Variants in SAMD8 observed in about 807,000 individuals in gnomAD.
SAMD8 encodes the protein sterile alpha motif domain containing 8, also known as sphingomyelin synthase-related protein 1.
SAMD8 carries 20 observed loss-of-function variants against 42.0 expected under a neutral mutation model. The observed-to-expected ratio is 0.48, with a 90% CI of 0.34 to 0.69. The LOEUF (loss-of-function observed/expected upper bound fraction) is 0.69, where lower values mean the gene tolerates loss of function less well. Ranked by LOEUF, SAMD8 falls within the 30% of genes least tolerant of loss-of-function variation. The pLI is 0.01. For missense variants in SAMD8, 328 were observed against 511.6 expected, an observed-to-expected ratio of 0.64 and a Z score of 3.46; for synonymous variants, 162 against 173.0, an observed-to-expected ratio of 0.94 and a Z score of 0.50.
chr10:75,159,482 G>A (rs565216716), intron 2 of SAMD8, among the ~76,000 whole-genome samples: 1 of 152,276 alleles, frequency 6.6e-6, no homozygotes, highest in African/African-American at 2.4e-5. Flanking sequence ...ATAGGAGAAT[G>A]GTAGCAGATG....
Position 75,105,569 on chromosome 10 carries a change from T to C in SAMD8, c.-16+5841T>C, listed in dbSNP as rs1048704903. ...AGCCACACACAGCCCTGCCAACCAA[T>C]CCTGGAAGAATCCAATCCTATGTCT... is the stretch of plus-strand genomic sequence containing the variant. On this transcript the variant is annotated intron_variant, in intron 1 of 3. Transcript: ENST00000447533. 12 of 1,258,538 alleles carry C rather than the reference T, an allele frequency of 9.5e-6. No homozygotes were observed. In the African/African-American group the frequency reaches 1.8e-4, roughly 19 times the overall value. The allele number at this position is 1,258,538 out of a possible 1,614,324, so 78.0% of individuals were successfully genotyped here. A position where few individuals can be genotyped will look rare whatever the true frequency, so the allele number is the denominator to read the frequency against.
intron 3 of SAMD8, chr10:75,168,309 G>A (rs112943252): frequency 7.5e-5 from 31 of 412,588 alleles, no homozygotes; most frequent in African/African-American, 6.1e-4. Flanking sequence ...TTTCAAGTCC[G>A]TAAGATCCAC....
At chr10:75,160,181 C>T (rs1840523409) in intron 2 of SAMD8, among the ~76,000 whole-genome samples, 1 of 152,058 alleles carries the variant, frequency 6.6e-6, no homozygotes. Flanking sequence ...AGTGATGACT[C>T]TAAATTACTA....
chr10:75,169,487 C>CAAAGAAAG (rs146643164), intron 4 of SAMD8, among the ~76,000 whole-genome samples: 4 of 150,800 alleles, frequency 2.7e-5, no homozygotes, highest in Non-Finnish European at 4.4e-5. Flanking sequence ...GTCTCAAAAA[C>CAAAGAAAG]AAAGAAAGAA....
intron 1 of SAMD8, chr10:75,125,191 A>G (rs1347712816): frequency 1.3e-5 from 2 of 152,226 alleles, no homozygotes; most frequent in Non-Finnish European, 2.9e-5. Flanking sequence ...AGAGGTTTCC[A>G]TGGCTCTCTC....
At chr10:75,161,839 C>A (rs1481990113) in intron 2 of SAMD8, among the ~76,000 whole-genome samples, 1 of 151,922 alleles carries the variant, frequency 6.6e-6, no homozygotes, top group Non-Finnish European at 1.5e-5. Context: ...GAGTTCAAGA[C>A]CAGCCTGGCC....
At chr10:75,126,033 T>C (rs766130070) in intron 1 of SAMD8, among the ~76,000 whole-genome samples, 2 of 152,248 alleles carry the variant, frequency 1.3e-5, no homozygotes, top group Non-Finnish European at 2.9e-5. Flanking sequence ...ATACTGATGG[T>C]TCACCACTGT....
chr10:75,168,628 G>T lies in SAMD8; in HGVS notation c.762G>T (p.Val254=). The T allele has an allele frequency of 6.2e-7, 1 of 1,613,228 alleles. No homozygotes were observed. Among genetic ancestry groups the T allele is most frequent in the Non-Finnish European group, 8.5e-7 (1 of 1,179,284 alleles). Residue 254 remains valine (V), a synonymous_variant, in exon 4 of 6, where the codon GTG becomes GTT. Transcript: ENST00000542569. ...CFTMFVTSLS[V]PGQHLQCTGK... ...CCATGTTTGTGACCTCCCTCTCCGT[G>T]CCAGGACAACACCTGCAGTGTACTG...
Position 75,099,729 on chromosome 10 carries a change from G to A in SAMD8, c.-16+1G>A, listed in dbSNP as rs545087678. The A allele has an allele frequency of 3.3e-5, 10 of 298,970 alleles. No individual in the cohort carries two copies. The East Asian group carries it at 6.7e-4, about 20-fold the overall frequency. The allele number at this position is 298,970 out of a possible 1,614,324, so 18.5% of individuals were successfully genotyped here. Reference sequence around the variant, plus strand: ...TGAAGATGGGAGTCTACCTGAAGAGGTGGGAAGAGAACTTCTGAGGCAGGG... The same window carrying A: ...TGAAGATGGGAGTCTACCTGAAGAGATGGGAAGAGAACTTCTGAGGCAGGG... On this transcript the variant is annotated splice_donor_variant, in intron 1 of 3. Transcript: ENST00000447533. LOFTEE classifies it low-confidence loss of function (5UTR_SPLICE).
chr10:75,108,161 G>T, upstream of SAMD8: 1 of 1,612,590 alleles, frequency 6.2e-7, no homozygotes, highest in Non-Finnish European at 8.5e-7. Flanking sequence ...CGTTCAGCAC[G>T]TGGGTGATGC....
Position 75,164,638 on chromosome 10 carries a change from G to T in SAMD8, c.579-7G>T. 1 of 1,612,502 alleles carries T rather than the reference G, an allele frequency of 6.2e-7. No individual in the cohort carries two copies. Among genetic ancestry groups the T allele is most frequent in the Non-Finnish European group, 8.5e-7 (1 of 1,179,220 alleles). On this transcript the variant is annotated splice_polypyrimidine_tract_variant and splice_region_variant and intron_variant, in intron 2 of 5. Coordinates refer to ENST00000542569, the MANE Select transcript of SAMD8 (RefSeq NM_001174156.2). ...CTTCAATTCAAAATCATTTTTTTCTGTTCCAGCGTTCCTAGAATCCCATGG... is the reference window on the plus strand; with the variant it reads ...CTTCAATTCAAAATCATTTTTTTCTTTTCCAGCGTTCCTAGAATCCCATGG...
At chr10:75,168,272 C>T in intron 3 of SAMD8, 1 of 208,168 alleles carries the variant, frequency 4.8e-6, no homozygotes. Flanking sequence ...AAATTTAAAA[C>T]TCAGTTCCTC....
rs780095818 is a variant in SAMD8 at position 75,150,518 on chromosome 10, C to A, written c.-11C>A. 5 of 1,602,358 alleles carry A rather than the reference C, an allele frequency of 3.1e-6. No individual in the cohort carries two copies. Among genetic ancestry groups the A allele is most frequent in the Non-Finnish European group, 4.3e-6 (5 of 1,175,280 alleles). ...TTTCCTGTTTTCTCTCTACAGGCAG[C>A]GGAGGAGGAAATGGCAGGTCCTAAT... On this transcript the variant is annotated 5_prime_UTR_variant, in exon 2 of 6. Transcript: ENST00000542569.
chr10:75,120,539 G>T (rs1848980861), intron 1 of SAMD8, among the ~76,000 whole-genome samples: 1 of 152,182 alleles, frequency 6.6e-6, no homozygotes, highest in Admixed American at 6.5e-5. Flanking sequence ...AAAGTGCTGG[G>T]ATTACAGGCG....
intron 1 of SAMD8, among the ~76,000 whole-genome samples, chr10:75,106,144 G>A (rs1589915481): frequency 8.9e-6 from 1 of 112,052 alleles, no homozygotes; most frequent in Admixed American, 1.1e-4. Flanking sequence ...GTCTCACTAT[G>A]TTGCCCAGGC....
At chr10:75,102,903 G>A (rs1410521275) in intron 1 of SAMD8, among the ~76,000 whole-genome samples, 1 of 152,158 alleles carries the variant, frequency 6.6e-6, no homozygotes, top group East Asian at 1.9e-4. Context: ...AGTGAGCTGA[G>A]ATCACGCCAT....
intron 1 of SAMD8, among the ~76,000 whole-genome samples, chr10:75,135,649 C>CAT (rs1357594780): frequency 6.6e-6 from 1 of 151,548 alleles, no homozygotes; most frequent in African/African-American, 2.4e-5. Context: ...CATGGTGAAA[C>CAT]CCTCTCTCTA....
intron 1 of SAMD8, among the ~76,000 whole-genome samples, chr10:75,133,681 A>T (rs1011971056): frequency 6.6e-6 from 1 of 152,232 alleles, no homozygotes. Context: ...TCTGGAGGAC[A>T]TTATATTAAG....
At chr10:75,148,176 TC>T (rs1487171705) in intron 1 of SAMD8, among the ~76,000 whole-genome samples, 1 of 152,156 alleles carries the variant, frequency 6.6e-6, no homozygotes, top group African/African-American at 2.4e-5. Flanking sequence ...AACTGACACT[TC>T]CCTGACATTC....
Sources: gnomAD v4.1 joint callset for allele counts (sites outside exome capture counted in the v4.1 genomes callset) on GRCh38, gnomAD v4.1.1 for gene constraint, MANE v1.5 for transcripts, NCBI Gene and HGNC (gene_info 2026-07-23, HGNC 2026-07-21) for gene names.